The following PRR5L variants were observed in gnomAD, a reference collection of about 807,000 sequenced individuals.
PRR5L encodes proline rich 5 like, also known as proline-rich protein 5-like.
In PRR5L, 21 loss-of-function variants were observed where a neutral mutation model predicts 36.4. The observed-to-expected ratio is 0.58, with a 90% CI of 0.41 to 0.83. The LOEUF is 0.83. Among genes scored for constraint, PRR5L ranks in the 40% least tolerant of loss-of-function variants. The pLI is 0.00. For synonymous variants in PRR5L, 188 were observed against 197.0 expected (o/e 0.95, Z 0.38); for missense variants, 381 against 473.3 (o/e 0.80, Z 1.81).
At position 36,413,297 on chromosome 11, in the gene PRR5L, T is replaced by C. The variant is rs113479676; in HGVS notation, c.246-5958T>C. The stretch of plus-strand genomic sequence containing the variant: ...GTTACCAGCTTGAGGCAGGTCTGGA[T>C]TGGTGGATTCCCAGGACTTGTGGGA... On this transcript the variant is annotated intron_variant, in intron 3 of 8. Coordinates refer to ENST00000530639, the MANE Select transcript of PRR5L (RefSeq NM_001160167.2). Among the ~76,000 whole-genome samples the C allele has an allele frequency of 2.0e-5, 3 of 152,260 alleles. 1 individual carries two copies. The highest frequency in any genetic ancestry group is 3.9e-4 in the East Asian group (2 of 5,178).
At chr11:36,443,281 C>T (rs1397242818) in intron 6 of PRR5L, among the ~76,000 whole-genome samples, 1 of 152,132 alleles carries the variant, frequency 6.6e-6, no homozygotes, top group African/African-American at 2.4e-5. Context: ...AACTAGCTCT[C>T]ATGTGAATTA....
At chr11:36,405,399 C>T (rs1857888842) in intron 3 of PRR5L, among the ~76,000 whole-genome samples, 1 of 152,226 alleles carries the variant, frequency 6.6e-6, no homozygotes, top group Non-Finnish European at 1.5e-5. Flanking sequence ...AAACAAAACA[C>T]ATCTGTGGAT....
chr11:36,362,740 G>A (rs1857104238), intron 1 of PRR5L, among the ~76,000 whole-genome samples: 1 of 152,112 alleles, frequency 6.6e-6, no homozygotes, highest in African/African-American at 2.4e-5. Flanking sequence ...CCCAGGAATT[G>A]CTTAGATATT....
chr11:36,446,438 C>A lies in PRR5L; in HGVS notation c.583C>A (p.Gln195Lys), dbSNP rs1415303003. 6.2e-7 allele frequency: 1 copy of A among 1,614,024 alleles called. No homozygotes were observed. Among genetic ancestry groups the A allele is most frequent in the South Asian group, 1.1e-5 (1 of 91,084 alleles). Residue 195 changes from glutamine to lysine, a missense_variant and splice_region_variant, in exon 7 of 9, where the codon CAG becomes AAG. Coordinates refer to ENST00000530639, the MANE Select transcript of PRR5L (RefSeq NM_001160167.2). Reference sequence around the variant, plus strand: ...CATTGTCCAGATGTTGCTCATCCTGCAGGTGAGGCTGTGCTGGAGACTTGC... The same window carrying A: ...CATTGTCCAGATGTTGCTCATCCTGAAGGTGAGGCTGTGCTGGAGACTTGC... ...SSIVQMLLIL[Q>K]SVHEPTGPSE...
At position 36,446,283 on chromosome 11, in the gene PRR5L, TC is replaced by T; in HGVS notation, c.445-15del. 6.2e-7 allele frequency: 1 copy of T among 1,612,332 alleles called. No individual in the cohort carries two copies. The highest frequency in any genetic ancestry group is 8.5e-7 in the Non-Finnish European group (1 of 1,179,674). ...TAAGCTCTCACCTCCCGGCCCTCTC[TC>T]CTCTGTCCCCTCTAGGGCCAGGAGC... On this transcript the variant is annotated splice_polypyrimidine_tract_variant and intron_variant, in intron 6 of 8. Coordinates refer to ENST00000530639, the MANE Select transcript of PRR5L (RefSeq NM_001160167.2).
At chr11:36,387,796 G>T (rs1445502764) in intron 1 of PRR5L, among the ~76,000 whole-genome samples, 1 of 152,222 alleles carries the variant, frequency 6.6e-6, no homozygotes, top group Admixed American at 6.5e-5. Flanking sequence ...AAGGCTGGAG[G>T]CTGTAGCTGT....
At chr11:36,431,679 C>T (rs1485816122) in intron 4 of PRR5L, among the ~76,000 whole-genome samples, 174 bp from the exon 5 acceptor site, 2 of 152,112 alleles carry the variant, frequency 1.3e-5, no homozygotes, top group African/African-American at 4.8e-5. Flanking sequence ...GTCTCACTGT[C>T]TTCTCCGGAA....
intron 1 of PRR5L, among the ~76,000 whole-genome samples, chr11:36,397,443 CTTTTTTTTTTTTT>C (rs34024197): frequency 1.1e-4 from 4 of 35,076 alleles, no homozygotes; most frequent in African/African-American, 2.3e-4. Flanking sequence ...CAGCCGATGC[CTTTTTTTTTTTTT>C]TTTTTTTTTT....
intron 1 of PRR5L, among the ~76,000 whole-genome samples, chr11:36,390,542 A>C (rs1239240275): frequency 6.6e-6 from 1 of 151,962 alleles, no homozygotes; most frequent in Non-Finnish European, 1.5e-5. Flanking sequence ...CAAGTTAAAC[A>C]CTCTGTACCT....
rs1255101605 is a variant in PRR5L at position 36,464,803 on chromosome 11, TGAG to T, written c.*2071_*2073del. On this transcript the variant is annotated 3_prime_UTR_variant, in exon 9 of 9. Transcript: ENST00000530639. The stretch of plus-strand genomic sequence containing the variant: ...TTTTCCATATCTTAAATGTCCCTGA[TGAG>T]GAGAGCAGTCATCAATTAAATATAT... The T allele has an allele frequency of 1.3e-5, 2 of 152,198 alleles. No homozygotes were observed. The highest frequency in any genetic ancestry group is 4.8e-5 in the African/African-American group (2 of 41,448). 9.4% of individuals were successfully genotyped at this position (152,198 alleles called of 1,614,324 possible).
intron 3 of PRR5L, among the ~76,000 whole-genome samples, chr11:36,411,814 C>A (rs183381499): frequency 8.3e-4 from 127 of 152,274 alleles, no homozygotes; most frequent in South Asian, 3.7e-3. Flanking sequence ...TAACATATTA[C>A]CTGCTTTATG....
Position 36,381,345 on chromosome 11 carries a change from C to T in PRR5L, c.-125-19652C>T, listed in dbSNP as rs1453080738. 2.6e-5 allele frequency among the ~76,000 whole-genome samples: 4 copies of T among 151,302 alleles called. No homozygotes were observed. In the East Asian group the frequency reaches 5.8e-4, roughly 22 times the overall value. On this transcript the variant is annotated intron_variant, in intron 1 of 8. Transcript: ENST00000530639. ...TAGGATTAAGGGACTGCAATGGACT[C>T]AGCTGTTTAGGAACTGGAGTATATG...
At chr11:36,326,037 T>C (rs1277807419) in intron 1 of PRR5L, among the ~76,000 whole-genome samples, 1 of 152,208 alleles carries the variant, frequency 6.6e-6, no homozygotes, top group Non-Finnish European at 1.5e-5. Context: ...TCAAAGAATT[T>C]GTATTAATTT....
chr11:36,366,058 C>T (rs2133506539), intron 1 of PRR5L, among the ~76,000 whole-genome samples: 1 of 152,270 alleles, frequency 6.6e-6, no homozygotes, highest in Middle Eastern at 3.4e-3. Flanking sequence ...ATTTATCTTC[C>T]CCAAACAGTT....
chr11:36,333,468 A>G (rs897737787), intron 1 of PRR5L, among the ~76,000 whole-genome samples: 11 of 152,348 alleles, frequency 7.2e-5, no homozygotes, highest in African/African-American at 2.4e-4. Context: ...CAAACAGTAA[A>G]CAACCCAAAT....
At chr11:36,403,435 A>T in intron 3 of PRR5L, 57 bp downstream of exon 3, 13 of 1,299,688 alleles carry the variant, frequency 1.0e-5, no homozygotes, top group African/African-American at 1.5e-5. Context: ...GCAGGGGCAT[A>T]GGGGCTACCG....
At chr11:36,384,241 C>T (rs1014767782) in intron 1 of PRR5L, among the ~76,000 whole-genome samples, 1 of 152,206 alleles carries the variant, frequency 6.6e-6, no homozygotes, top group Non-Finnish European at 1.5e-5. Flanking sequence ...AAGTAGAGAA[C>T]CTGTAGTTTT....
At chr11:36,364,334 C>T (rs770088256) in intron 1 of PRR5L, among the ~76,000 whole-genome samples, 2 of 152,108 alleles carry the variant, frequency 1.3e-5, no homozygotes, top group Non-Finnish European at 2.9e-5. Context: ...TTCCTTCTCT[C>T]GTGAGGTCTG....
rs1453882719 is a variant in PRR5L at position 36,404,281 on chromosome 11, T to TG, written c.245+903_245+904insG. 1.9e-3 allele frequency among the ~76,000 whole-genome samples: 287 copies of TG among 150,630 alleles called. 4 individuals are homozygous for TG. The highest frequency in any genetic ancestry group is 6.3e-3 in the African/African-American group (257 of 40,738). On this transcript the variant is annotated intron_variant, in intron 3 of 8. Coordinates refer to ENST00000530639, the MANE Select transcript of PRR5L (RefSeq NM_001160167.2). ...GATCCATCAGGTCTTTTTTTTTTTT[T>TG]TTTTTTTTTAAACGGAGTCTTGCTC...
Sources: allele counts gnomAD v4.1 joint callset (sites outside exome capture counted in the v4.1 genomes callset), GRCh38; gene constraint gnomAD v4.1.1; transcripts MANE v1.5; gene names NCBI Gene and HGNC (gene_info 2026-07-23, HGNC 2026-07-21).